Variants in NRG1 observed in about 807,000 individuals in gnomAD.
NRG1 encodes pro-neuregulin-1, membrane-bound isoform.
Under a neutral mutation model 63.8 loss-of-function variants are expected in NRG1, and 18 were observed. The observed-to-expected ratio is 0.28, with a 90% confidence interval of 0.19 to 0.42. NRG1 has a LOEUF of 0.42. NRG1 is among the 10% of genes least tolerant of loss of function. The probability of loss-of-function intolerance (pLI) is 1.00; values close to 1 mark genes in which losing one functional copy is unlikely to be tolerated. For synonymous variants in NRG1, 302 were observed against 301.3 expected (o/e 1.00, Z -0.02); for missense variants, 762 against 814.7 (o/e 0.94, Z 0.79).
At chr8:32,304,113 T>C (rs1245927158) in intron 1 of NRG1, among the ~76,000 whole-genome samples, 1 of 152,244 alleles carries the variant, frequency 6.6e-6, no homozygotes, top group Non-Finnish European at 1.5e-5. Flanking sequence ...TGTTTAATCT[T>C]CTGTGCTTTT....
chr8:31,723,705 C>G (rs1460040135), intron 1 of NRG1, among the ~76,000 whole-genome samples: 1 of 152,136 alleles, frequency 6.6e-6, no homozygotes, highest in Non-Finnish European at 1.5e-5. Flanking sequence ...ATCATTATCT[C>G]TTTGGAGTAC....
intron 1 of NRG1, among the ~76,000 whole-genome samples, chr8:32,569,875 A>G (rs1295954970): frequency 6.8e-6 from 1 of 146,000 alleles, no homozygotes; most frequent in Non-Finnish European, 1.5e-5. Flanking sequence ...CCTCTCAACA[A>G]TTCTAGTTAA....
chr8:32,748,647 C>G (rs1417614124), intron 7 of NRG1: 9 of 452,716 alleles, frequency 2.0e-5, no homozygotes, highest in Non-Finnish European at 4.0e-5. Context: ...GGCAGCCCTG[C>G]AGGTCCTCCA....
intron 1 of NRG1, among the ~76,000 whole-genome samples, chr8:32,590,739 T>G (rs1472135030): frequency 6.6e-6 from 1 of 152,152 alleles, no homozygotes; most frequent in Admixed American, 6.6e-5. Flanking sequence ...ATGAATTCTA[T>G]TAACAGATAG....
chr8:32,416,358 C>T (rs1396197438), intron 1 of NRG1, among the ~76,000 whole-genome samples: 1 of 143,668 alleles, frequency 7.0e-6, no homozygotes, highest in Non-Finnish European at 1.5e-5. Context: ...CTCCCTTCCT[C>T]CTTTCACCTC....
chr8:32,301,357 A>G (rs1415479861), intron 1 of NRG1, among the ~76,000 whole-genome samples: 1 of 152,222 alleles, frequency 6.6e-6, no homozygotes, highest in Non-Finnish European at 1.5e-5. Context: ...TTCATTTGGT[A>G]TACATACCTG....
At chr8:31,962,920 T>C (rs1285984803) in intron 1 of NRG1, among the ~76,000 whole-genome samples, 2 of 152,190 alleles carry the variant, frequency 1.3e-5, no homozygotes, top group African/African-American at 4.8e-5. Flanking sequence ...TTGAGAAGCC[T>C]CATTTATATT....
intron 1 of NRG1, among the ~76,000 whole-genome samples, chr8:31,754,619 T>TATCC (rs1816791136): frequency 6.6e-6 from 1 of 152,080 alleles, no homozygotes; most frequent in Non-Finnish European, 1.5e-5. Context: ...CACCATGGGA[T>TATCC]GCTGCTGATG....
rs576108655 is a variant in NRG1 at position 32,122,507 on chromosome 8, A to G, written c.38-473321A>G. ...AACTCAATTATAACTCCATTTACAGATAAACATGCACAAAATTTTCATGGT... is the reference window on the plus strand; with the variant it reads ...AACTCAATTATAACTCCATTTACAGGTAAACATGCACAAAATTTTCATGGT... On this transcript the variant is annotated intron_variant, in intron 1 of 10. Coordinates refer to the NRG1 transcript ENST00000519301. Among the ~76,000 whole-genome samples, 4 of 152,146 alleles carry G rather than the reference A, an allele frequency of 2.6e-5. No individual in the cohort carries two copies. The South Asian group carries it at 8.3e-4, about 32-fold the overall frequency.
chr8:32,347,750 G>A (rs1331727117), intron 1 of NRG1, among the ~76,000 whole-genome samples: 1 of 152,176 alleles, frequency 6.6e-6, no homozygotes, highest in African/African-American at 2.4e-5. Flanking sequence ...AAATCGAGAA[G>A]GGTTAGACAA....
At chr8:32,576,040 C>T (rs980248130) in intron 1 of NRG1, among the ~76,000 whole-genome samples, 5 of 152,004 alleles carry the variant, frequency 3.3e-5, no homozygotes, top group African/African-American at 4.8e-5. Context: ...TGGTATACAA[C>T]GTGATGTTTT....
At chr8:32,021,604 A>G (rs937853979) in intron 1 of NRG1, among the ~76,000 whole-genome samples, 1 of 152,214 alleles carries the variant, frequency 6.6e-6, no homozygotes, top group Admixed American at 6.5e-5. Flanking sequence ...TATTCAAAGC[A>G]TTGCAAAAAG....
chr8:32,443,485 T>C (rs1209954772), intron 1 of NRG1, among the ~76,000 whole-genome samples: 3 of 152,104 alleles, frequency 2.0e-5, no homozygotes, highest in African/African-American at 7.2e-5. Context: ...GGTTAAGAAA[T>C]AGACTCAGAG....
downstream of NRG1, among the ~76,000 whole-genome samples, chr8:32,768,231 C>A (rs7013048): frequency 0.048 from 7,319 of 152,256 alleles, 593 homozygotes; most frequent in African/African-American, 0.17. Context: ...TACACAATAA[C>A]AGAGAGAGAA....
intron 1 of NRG1, among the ~76,000 whole-genome samples, chr8:32,224,009 C>A (rs1056180027): frequency 1.3e-5 from 2 of 152,132 alleles, no homozygotes; most frequent in Non-Finnish European, 2.9e-5. Context: ...TTATAACCGG[C>A]AGTAGGTCCT....
chr8:31,987,320 ATGTG>A (rs545275263), intron 1 of NRG1, among the ~76,000 whole-genome samples: 33 of 125,820 alleles, frequency 2.6e-4, no homozygotes, highest in East Asian at 6.4e-4. Context: ...AAACATATAT[ATGTG>A]TGTGTGTGTG....
intron 5 of NRG1, chr8:32,647,037 G>A (rs1588952694): frequency 2.0e-6 from 2 of 985,316 alleles, no homozygotes; most frequent in East Asian, 2.3e-4. Flanking sequence ...GGAGTAGTCG[G>A]GGGTGGGGTG....
At chr8:31,805,327 G>A (rs1216440304) in intron 1 of NRG1, among the ~76,000 whole-genome samples, 2 of 151,842 alleles carry the variant, frequency 1.3e-5, no homozygotes, top group Non-Finnish European at 2.9e-5. Context: ...TTTTAGAATA[G>A]GAGAAACATT....
chr8:32,475,284 G>T (rs1322634047), intron 1 of NRG1, among the ~76,000 whole-genome samples: 2 of 151,738 alleles, frequency 1.3e-5, no homozygotes, highest in African/African-American at 4.8e-5. Context: ...GGCCAACATG[G>T]TGAAACCCCA....
Sources: gnomAD v4.1 joint callset for allele counts (sites outside exome capture counted in the v4.1 genomes callset) on GRCh38, gnomAD v4.1.1 for gene constraint, MANE v1.5 for transcripts, NCBI Gene and HGNC (gene_info 2026-07-23, HGNC 2026-07-21) for gene names.